Variants in KDM5A observed in about 807,000 individuals in gnomAD.
The protein encoded by KDM5A is lysine demethylase 5A.
Under a neutral mutation model 193.5 loss-of-function variants are expected in KDM5A, and 42 were observed. That is an observed-to-expected ratio of 0.22 (90% CI 0.17 to 0.28). The LOEUF (loss-of-function observed/expected upper bound fraction) is 0.28. Among genes scored for constraint, KDM5A ranks in the 10% least tolerant of loss-of-function variants. KDM5A has a pLI of 1.00. For missense variants in KDM5A, 1,692 were observed against 2,055.1 expected, an observed-to-expected ratio of 0.82 and a Z score of 3.42; for synonymous variants, 796 against 718.1, an observed-to-expected ratio of 1.11 and a Z score of -1.73.
At position 350,787 on chromosome 12, in the gene KDM5A, G is replaced by C. The variant is rs1420956228; in HGVS notation, c.1150-8C>G. ...TAGTTCTGTGGGAACCATCTACACA[G>C]GGAAAAAAAAGATGACAAATTATTA... On this transcript the variant is annotated splice_polypyrimidine_tract_variant and splice_region_variant and intron_variant, in intron 9 of 27. Transcript: ENST00000399788. The C allele has an allele frequency of 1.2e-6, 2 of 1,612,542 alleles. No individual in the cohort carries two copies. The highest frequency in any genetic ancestry group is 1.3e-5 in the African/African-American group (1 of 74,762).
intron 3 of KDM5A, among the ~76,000 whole-genome samples, chr12:381,815 T>TA (rs1944576752): frequency 1.4e-5 from 1 of 73,276 alleles, no homozygotes; most frequent in Non-Finnish European, 3.3e-5. Context: ...ATGGTTACTC[T>TA]GTTTTTTTGG....
At chr12:326,821 C>T (rs1245851534) in intron 14 of KDM5A, among the ~76,000 whole-genome samples, 4 of 140,150 alleles carry the variant, frequency 2.9e-5, no homozygotes, top group Admixed American at 7.6e-5. Context: ...GCCAAGATCG[C>T]GCCACTGCAC....
At chr12:378,634 T>A (rs1162983199) in intron 3 of KDM5A, among the ~76,000 whole-genome samples, 1 of 152,202 alleles carries the variant, frequency 6.6e-6, no homozygotes, top group Non-Finnish European at 1.5e-5. Flanking sequence ...AGGGCTAGAC[T>A]GAATGCTTCT....
chr12:386,627 G>A (rs1944640504), intron 1 of KDM5A, among the ~76,000 whole-genome samples: 1 of 152,148 alleles, frequency 6.6e-6, no homozygotes, highest in Non-Finnish European at 1.5e-5. Flanking sequence ...CAGGAGGATC[G>A]CTTGAGCCCA....
chr12:287,477 G>A (rs1162939319), intron 27 of KDM5A, among the ~76,000 whole-genome samples: 3 of 148,966 alleles, frequency 2.0e-5, no homozygotes, highest in Non-Finnish European at 4.4e-5. Flanking sequence ...TGTTCCTATT[G>A]TAGCAAACTA....
Position 285,427 on chromosome 12 carries a change from C to T in KDM5A, c.*29G>A. On this transcript the variant is annotated 3_prime_UTR_variant, in exon 28 of 28. Coordinates refer to ENST00000399788, the MANE Select transcript of KDM5A (RefSeq NM_001042603.3). ...TAAGGTCTCAATGTGGTCCATGTCC[C>T]CCCATGTCCCAAACTAACCAAGCAT... 6.3e-7 allele frequency: 1 copy of T among 1,589,864 alleles called. No homozygotes were observed. Among genetic ancestry groups the T allele is most frequent in the East Asian group, 2.2e-5 (1 of 44,744 alleles).
At position 371,903 on chromosome 12, in the gene KDM5A, G is replaced by A. The variant is rs150680464; in HGVS notation, c.367-5799C>T. On this transcript the variant is annotated intron_variant, in intron 3 of 27. Transcript: ENST00000399788. Reference sequence around the variant, plus strand: ...TTGTCAGGTTTGTCAAAGATCAGACGGTTGCAGATGTATGGTATTATTTCT... The same window carrying A: ...TTGTCAGGTTTGTCAAAGATCAGACAGTTGCAGATGTATGGTATTATTTCT... Among the ~76,000 whole-genome samples the A allele has an allele frequency of 9.1e-3, 1,386 of 152,230 alleles. 30 individuals are homozygous for A. The highest frequency in any genetic ancestry group is 0.031 in the African/African-American group (1,294 of 41,522).
At chr12:310,558 C>T (rs77962686) in intron 21 of KDM5A, among the ~76,000 whole-genome samples, 7,977 of 152,098 alleles carry the variant, frequency 0.052, 567 homozygotes, top group East Asian at 0.3. Flanking sequence ...CACTTGAGCC[C>T]AGGAGGCGAC....
rs555578390 is a variant in KDM5A at position 320,574 on chromosome 12, C to T, written c.2541+421G>A. ...CAAACACAAAAACACCCCAAACTAT[C>T]AAAAGATCATTAACTATGGAGATTA... On this transcript the variant is annotated intron_variant, in intron 18 of 27. Transcript: ENST00000399788. Among the ~76,000 whole-genome samples, 10 of 152,156 alleles carry T rather than the reference C, an allele frequency of 6.6e-5. No homozygotes were observed. In the South Asian group the frequency reaches 2.1e-3, roughly 32 times the overall value.
chr12:315,736 A>G (rs550258625), intron 19 of KDM5A, among the ~76,000 whole-genome samples: 1 of 152,334 alleles, frequency 6.6e-6, no homozygotes, highest in South Asian at 2.1e-4. Flanking sequence ...GCTAACTACC[A>G]AAGTACCTGC....
At chr12:385,311 A>G (rs1035396739) in intron 2 of KDM5A, among the ~76,000 whole-genome samples, 9 of 152,060 alleles carry the variant, frequency 5.9e-5, no homozygotes, top group African/African-American at 2.2e-4. Flanking sequence ...AAAAGTTTTC[A>G]TATCACAATG....
At chr12:323,477 G>A (rs3815557) in intron 15 of KDM5A, 123 bp downstream of exon 15, 50,172 of 1,068,528 alleles carry the variant, frequency 0.047, 4,568 homozygotes, top group East Asian at 0.36. Flanking sequence ...TTCAAGCCTA[G>A]AAGTAGACAG....
At chr12:295,314 A>G (rs1943355774) in intron 26 of KDM5A, among the ~76,000 whole-genome samples, 1 of 148,006 alleles carries the variant, frequency 6.8e-6, no homozygotes, top group Admixed American at 6.7e-5. Flanking sequence ...AGGAAAGGAG[A>G]AAAGAAAGAA....
intron 14 of KDM5A, among the ~76,000 whole-genome samples, chr12:324,360 T>C (rs1019301719): frequency 6.6e-6 from 1 of 152,022 alleles, no homozygotes; most frequent in Admixed American, 6.5e-5. Context: ...GGGAAGAAAA[T>C]TGTAATTGGG....
chr12:292,119 G>A (rs980574837), intron 27 of KDM5A, among the ~76,000 whole-genome samples: 3 of 152,120 alleles, frequency 2.0e-5, no homozygotes, highest in Non-Finnish European at 2.9e-5. Context: ...GGCTAGGCTG[G>A]TCTCGAACTC....
chr12:313,070 C>T lies in KDM5A; in HGVS notation c.3022G>A (p.Val1008Met). 1 of 1,614,138 alleles carries T rather than the reference C, an allele frequency of 6.2e-7. No homozygotes were observed. The highest frequency in any genetic ancestry group is 8.5e-7 in the Non-Finnish European group (1 of 1,179,982). ...LQKAREWTAK[V>M]EAIQSGSNYA... ...AGTCTTCTTACCTGAATAGCTTCCA[C>T]TTTAGCGGTCCATTCTCGAGCCTTT... The change falls in exon 20 of 28, where the codon GTG becomes ATG. Residue 1008 changes from valine (V) to methionine (M), a missense_variant. Val to Met is a conservative substitution (Grantham distance 21, BLOSUM62 1). This residue lies in a region of KDM5A where 965 missense variants were observed against 1,061.0 expected (regional missense o/e 0.91). Transcript: ENST00000399788.
In KDM5A at chr12:289,907, C is replaced by CTTTTTTTTTTTTTTTTTT. The variant is rs750918968; in HGVS notation, c.4866+2834_4866+2851dup. Among the ~76,000 whole-genome samples the CTTTTTTTTTTTTTTTTTT allele has an allele frequency of 5.2e-4, 52 of 99,626 alleles. 1 individual carries two copies. The highest frequency in any genetic ancestry group is 3.6e-3 in the East Asian group (8 of 2,250). The allele number at this position is 99,626 out of a possible 152,430, so 65.4% of individuals were successfully genotyped here. ...AAAAAGCATGATTTTTTCTTTCTTTCTTTTTTTTTTTTTTTTTTTTTTTAC... is the reference window on the plus strand; with the variant it reads ...AAAAAGCATGATTTTTTCTTTCTTTCTTTTTTTTTTTTTTTTTTTTTTTTTTTTTTTTTTTTTTTTTAC... On this transcript the variant is annotated intron_variant, in intron 27 of 27. Coordinates refer to ENST00000399788, the MANE Select transcript of KDM5A (RefSeq NM_001042603.3).
intron 19 of KDM5A, among the ~76,000 whole-genome samples, chr12:316,038 GA>G (rs1199262869): frequency 6.6e-6 from 1 of 152,176 alleles, no homozygotes; most frequent in Non-Finnish European, 1.5e-5. Flanking sequence ...GAATCTCAAG[GA>G]AAACCATTAT....
chr12:312,953 G>A (rs540714377), intron 20 of KDM5A, 103 bp downstream of exon 20: 141 of 1,276,794 alleles, frequency 1.1e-4, no homozygotes, highest in South Asian at 6.6e-4. Flanking sequence ...GTTAGGGATC[G>A]TTTGTATTAT....
Sources: gnomAD v4.1 joint callset for allele counts (sites outside exome capture counted in the v4.1 genomes callset) on GRCh38, gnomAD v4.1.1 for gene constraint, gnomAD v4.1.1 regional missense constraint, MANE v1.5 for transcripts, NCBI Gene and HGNC (gene_info 2026-07-23, HGNC 2026-07-21) for gene names.